The following MROH2A variants were observed in gnomAD, a reference collection of about 807,000 sequenced individuals.
The protein encoded by MROH2A is maestro heat-like repeat-containing protein family member 2A.
In MROH2A, 174 loss-of-function variants were observed where a neutral mutation model predicts 200.4. That is an observed-to-expected ratio of 0.87 (90% CI 0.77 to 0.98). The LOEUF (loss-of-function observed/expected upper bound fraction) is 0.98. MROH2A is among the 50% of genes least tolerant of loss of function. The pLI is 0.00. For synonymous variants in MROH2A, 829 were observed against 840.4 expected, an observed-to-expected ratio of 0.99 and a Z score of 0.23; for missense variants, 2,045 against 2,139.6, an observed-to-expected ratio of 0.96 and a Z score of 0.87.
intron 35 of MROH2A, among the ~76,000 whole-genome samples, chr2:233,827,125 G>A (rs1249561123): frequency 2.0e-5 from 3 of 152,204 alleles, no homozygotes; most frequent in Admixed American, 1.3e-4. Context: ...CTGTTGGTGG[G>A]AATGTAAATT....
intron 10 of MROH2A, 72 bp downstream of exon 10, chr2:233,796,117 T>C (rs1394216030): frequency 1.3e-6 from 2 of 1,512,316 alleles, no homozygotes; most frequent in East Asian, 4.9e-5. Flanking sequence ...TCCCGGCCCC[T>C]CTGAGCGCTG....
intron 5 of MROH2A, among the ~76,000 whole-genome samples, chr2:233,791,989 C>T (rs755522710): frequency 2.9e-4 from 44 of 152,202 alleles, no homozygotes; most frequent in Middle Eastern, 6.8e-3. Flanking sequence ...TGGCCTGTTA[C>T]GGCTCCCTTC....
At chr2:233,831,659 C>CGGTCTCG in intron 39 of MROH2A, 119 bp downstream of exon 39, 1 of 1,114,060 alleles carries the variant, frequency 9.0e-7, no homozygotes, top group Non-Finnish European at 1.3e-6. Context: ...CCACACATGC[C>CGGTCTCG]ATGTCGAGAC....
Position 233,796,063 on chromosome 2 carries a change from G to A in MROH2A, c.1138+18G>A. The A allele has an allele frequency of 1.3e-6, 2 of 1,549,462 alleles. No individual in the cohort carries two copies. Among genetic ancestry groups the A allele is most frequent in the Non-Finnish European group, 1.7e-6 (2 of 1,146,288 alleles). On this transcript the variant is annotated intron_variant, in intron 10 of 41. Coordinates refer to ENST00000389758, the MANE Select transcript of MROH2A (RefSeq NM_001394639.1). ...AGCCCTTGGTGAGGCTCTGCGGCAGGGTGCTCCCTGCCTGCCCCGAGGCCT... is the reference window on the plus strand; with the variant it reads ...AGCCCTTGGTGAGGCTCTGCGGCAGAGTGCTCCCTGCCTGCCCCGAGGCCT...
rs768365754 is a variant in MROH2A, at chr2:233,822,337, C to T, written c.3673-26C>T. The T allele has an allele frequency of 2.3e-5, 36 of 1,548,580 alleles. No homozygotes were observed. In the East Asian group the frequency reaches 5.4e-4, roughly 23 times the overall value. ...CCTCAGGGGTCTCTGGGTAGGAGCCCGATGCCCTGGACCTTCTCTCTGCAG... is the reference window on the plus strand; with the variant it reads ...CCTCAGGGGTCTCTGGGTAGGAGCCTGATGCCCTGGACCTTCTCTCTGCAG... On this transcript the variant is annotated intron_variant, in intron 32 of 41. Transcript: ENST00000389758.
At chr2:233,799,698 A>G in intron 12 of MROH2A, 82 bp from the exon 13 acceptor site, 1 of 1,522,188 alleles carries the variant, frequency 6.6e-7, no homozygotes, top group East Asian at 2.5e-5. Context: ...AGCACCCCCA[A>G]TTCCTAGCTC....
chr2:233,828,547 C>T lies in MROH2A; in HGVS notation c.4114-83C>T, dbSNP rs1424371763. The T allele has an allele frequency of 1.3e-6, 2 of 1,488,186 alleles. No homozygotes were observed. Among genetic ancestry groups the T allele is most frequent in the Non-Finnish European group, 1.8e-6 (2 of 1,107,528 alleles). 92.2% of individuals were successfully genotyped at this position (1,488,186 alleles called of 1,614,324 possible). ...TCCTGTCCACAGAGCCACCAATCTG[C>T]ATTACCTCTCCTCCCACGTCCCACC... On this transcript the variant is annotated intron_variant, in intron 35 of 41. Transcript: ENST00000389758. This position sits in a 1 kb window ranked among gnomAD's most constrained non-coding sequence, Gnocchi z 4.6.
In MROH2A at chr2:233,796,010, A is replaced by C; in HGVS notation, c.1103A>C (p.Asn368Thr). 1 of 1,550,560 alleles carries C rather than the reference A, an allele frequency of 6.4e-7. No individual in the cohort carries two copies. The highest frequency in any genetic ancestry group is 2.4e-5 in the East Asian group (1 of 40,902). The change falls in exon 10 of 42, where the codon AAT becomes ACT. Residue 368 changes from asparagine (N) to threonine (T), a missense_variant. By Grantham distance (65) the Asn-to-Thr change is moderately conservative. Coordinates refer to ENST00000389758, the MANE Select transcript of MROH2A (RefSeq NM_001394639.1). ...APAQHQYSSQ[N>T]LMEMVHCFVA... ...GCCCAGCATCAGTACAGCAGCCAGA[A>C]TCTGATGGAGATGGTGCACTGCTTC...
At position 233,803,478 on chromosome 2, in the gene MROH2A, C is replaced by T; in HGVS notation, c.1739C>T (p.Ala580Val). The change falls in exon 16 of 42, where the codon GCC (alanine) becomes GTC (valine). Residue 580 changes from alanine to valine, a missense_variant. Physicochemically the swap from Ala to Val is moderately conservative, Grantham distance 64. Transcript: ENST00000389758. The stretch of plus-strand genomic sequence containing the variant: ...CTGCCTGCACCTCAGAAGCTGCTGG[C>T]CCGTCTCCTGGTGAGTGGCTGACCT... ...VDLPAPQKLL[A>V]RLLVLMSSPY... The T allele has an allele frequency of 6.4e-7, 1 of 1,550,496 alleles. No individual in the cohort carries two copies.
At position 233,800,291 on chromosome 2, in the gene MROH2A, C is replaced by T; in HGVS notation, c.1536C>T (p.Thr512=). 1.1e-5 allele frequency: 17 copies of T among 1,549,356 alleles called. No individual in the cohort carries two copies. The highest frequency in any genetic ancestry group is 1.5e-5 in the Non-Finnish European group (17 of 1,146,314). The part of the protein sequence containing the change: ...KVTMDTVKII[T]SSVSGMTTEF... ...CCATGGACACTGTGAAGATCATTAC[C>T]TCTTCTGTCAGTGGGATGACCACCG... Residue 512 remains threonine (T), a synonymous_variant, in exon 14 of 42, where the codon ACC becomes ACT. Transcript: ENST00000389758.
chr2:233,779,693 C>A lies in MROH2A; in HGVS notation c.117C>A (p.Asn39Lys). ...TAGGTACCTTTCAACAAGTCGTGAA[C>A]CTTCTGGACATCATTGACAGCGAGT... ...HDSGTFQQVVNLLDIIDSESA... is the reference protein window; with the variant it reads ...HDSGTFQQVVKLLDIIDSESA... Residue 39 changes from asparagine (N) to lysine (K), a missense_variant, in exon 3 of 42, where the codon AAC becomes AAA. Physicochemically the swap from Asn to Lys is moderately conservative, Grantham distance 94. Around this residue, in one of 3 missense-constraint regions of MROH2A, gnomAD observed 831 missense variants for 800.0 expected, o/e 1.04. Transcript: ENST00000389758. 6.4e-7 allele frequency: 1 copy of A among 1,551,176 alleles called. No homozygotes were observed. Among genetic ancestry groups the A allele is most frequent in the Non-Finnish European group, 8.7e-7 (1 of 1,147,102 alleles).
chr2:233,798,694 G>GC, intron 11 of MROH2A, 80 bp from the exon 12 acceptor site: 1 of 981,514 alleles, frequency 1.0e-6, no homozygotes, highest in Non-Finnish European at 1.6e-6. Context: ...GAGACAGAAC[G>GC]TGAGGCCCTG....
chr2:233,782,145 A>G (rs6431633), intron 3 of MROH2A, among the ~76,000 whole-genome samples: 121,159 of 152,124 alleles, frequency 0.8, 48,339 homozygotes, highest in East Asian at 0.88. Flanking sequence ...ATATTTTGAA[A>G]TCAGGTAGTA....
At chr2:233,823,058 G>A (rs934411175) in intron 34 of MROH2A, 40 bp downstream of exon 34, 1 of 1,546,114 alleles carries the variant, frequency 6.5e-7, no homozygotes, top group African/African-American at 1.4e-5. Flanking sequence ...GGGACCTGCA[G>A]AGGCACCTCC....
chr2:233,807,851 G>C lies in MROH2A; in HGVS notation c.2291G>C (p.Trp764Ser). The C allele has an allele frequency of 6.4e-7, 1 of 1,550,848 alleles. No individual in the cohort carries two copies. Reference protein sequence around the residue: ...ESEQSWQISAWRKDHPWRRET... With the variant: ...ESEQSWQISASRKDHPWRRET... ...GAGCAGTCCTGGCAGATCAGTGCTT[G>C]GCGGGTAAGCCACCTTCCCTCCACA... The change falls in exon 21 of 42, where the codon TGG (tryptophan) becomes TCG (serine). Residue 764 changes from tryptophan to serine, a missense_variant. Transcript: ENST00000389758. This position sits in a 1 kb window ranked among gnomAD's most constrained non-coding sequence, Gnocchi z 4.3.
At chr2:233,785,858 G>A (rs1452800711) in intron 3 of MROH2A, among the ~76,000 whole-genome samples, 5 of 152,164 alleles carry the variant, frequency 3.3e-5, no homozygotes, top group Admixed American at 6.5e-5. Context: ...GAGTACTATA[G>A]TATGGGTGGC....
At chr2:233,796,436 A>G in intron 11 of MROH2A, 123 bp downstream of exon 11, 1 of 647,498 alleles carries the variant, frequency 1.5e-6, no homozygotes. Context: ...GGGTGGGCCA[A>G]GAAAGCCAAG....
chr2:233,791,520 T>C (rs1701760868), intron 5 of MROH2A, among the ~76,000 whole-genome samples: 1 of 151,998 alleles, frequency 6.6e-6, no homozygotes, highest in African/African-American at 2.4e-5. Flanking sequence ...AAGGGGGCAG[T>C]TGATTTGTGG....
rs1226577397 is a variant in MROH2A at position 233,833,410 on chromosome 2, G to A, written c.*151G>A. 2 of 873,978 alleles carry A rather than the reference G, an allele frequency of 2.3e-6. No homozygotes were observed. Among genetic ancestry groups the A allele is most frequent in the African/African-American group, 3.5e-5 (2 of 57,608 alleles). 54.1% of individuals were successfully genotyped at this position (873,978 alleles called of 1,614,324 possible). ...CCTTCCGTTGAAATAAACCTCCACT[G>A]TCGTTGGAGTAGACTTGTGACTGTA... On this transcript the variant is annotated 3_prime_UTR_variant, in exon 42 of 42. Coordinates refer to ENST00000389758, the MANE Select transcript of MROH2A (RefSeq NM_001394639.1).
Sources: allele counts gnomAD v4.1 joint callset (sites outside exome capture counted in the v4.1 genomes callset), GRCh38; gene constraint gnomAD v4.1.1; regional missense constraint gnomAD v4.1.1; non-coding constraint Gnocchi (gnomAD v3.1); transcripts MANE v1.5; gene names NCBI Gene and HGNC (gene_info 2026-07-23, HGNC 2026-07-21).